Variants in GABBR2 observed in about 807,000 individuals in gnomAD.
GABBR2 encodes the protein gamma-aminobutyric acid type B receptor subunit 2.
In GABBR2, 23 loss-of-function variants were observed where a neutral mutation model predicts 105.6. The ratio of observed to expected loss-of-function variants is 0.22; its 90% CI spans 0.16 to 0.31. The LOEUF (loss-of-function observed/expected upper bound fraction) is 0.31. Among genes scored for constraint, GABBR2 ranks in the 10% least tolerant of loss-of-function variants. The pLI, the probability that GABBR2 is intolerant of heterozygous loss-of-function variation, is 1.00. For synonymous variants in GABBR2, 478 were observed against 499.7 expected (o/e 0.96, Z 0.58); for missense variants, 734 against 1,245.5 (o/e 0.59, Z 6.18).
At chr9:98,631,404 C>T (rs554742202) in intron 1 of GABBR2, among the ~76,000 whole-genome samples, 1 of 152,204 alleles carries the variant, frequency 6.6e-6, no homozygotes, top group Non-Finnish European at 1.5e-5. Context: ...CTAACTGATG[C>T]ATTCAACTAA....
chr9:98,290,914 A>G (rs893006286), intron 18 of GABBR2, among the ~76,000 whole-genome samples, 165 bp from the exon 19 acceptor site: 1 of 152,160 alleles, frequency 6.6e-6, no homozygotes, highest in African/African-American at 2.4e-5. Context: ...TCCAGCAGGT[A>G]TTTAATGAGG....
At chr9:98,427,335 C>T (rs1013927675) in intron 7 of GABBR2, among the ~76,000 whole-genome samples, 160 of 152,322 alleles carry the variant, frequency 1.1e-3, no homozygotes, top group African/African-American at 3.7e-3. Context: ...TCTAAGCCCT[C>T]TGGTCAACTT....
intron 1 of GABBR2, chr9:98,607,307 G>A (rs966207233): frequency 4.0e-5 from 33 of 829,436 alleles, no homozygotes; most frequent in East Asian, 3.4e-4. Context: ...ACGGTGTAGC[G>A]TTGTTTATAC....
At chr9:98,581,307 A>C (rs971033967) in intron 1 of GABBR2, 1 of 152,344 alleles carries the variant, frequency 6.6e-6, no homozygotes, top group Non-Finnish European at 1.5e-5. Context: ...AGCTTGCTTC[A>C]ACAGTGAGTG....
At chr9:98,689,062 C>T (rs550750366) in intron 1 of GABBR2, among the ~76,000 whole-genome samples, 1 of 152,324 alleles carries the variant, frequency 6.6e-6, no homozygotes, top group South Asian at 2.1e-4. Context: ...AGCCCTATGC[C>T]ATCCTATTGT....
intron 6 of GABBR2, among the ~76,000 whole-genome samples, chr9:98,472,517 A>T (rs1034384726): frequency 1.3e-5 from 2 of 151,674 alleles, no homozygotes; most frequent in East Asian, 4.0e-4. Flanking sequence ...AATCCTCCTG[A>T]TAACCCCCAG....
chr9:98,668,042 C>A (rs1355373853), intron 1 of GABBR2, among the ~76,000 whole-genome samples: 1 of 152,236 alleles, frequency 6.6e-6, no homozygotes, highest in Non-Finnish European at 1.5e-5. Flanking sequence ...TTGGGACCGC[C>A]CTGAAGGGCC....
In GABBR2 at chr9:98,388,116, G is replaced by A. The variant is rs1016747079; in HGVS notation, c.1529+738C>T. 5.3e-5 allele frequency among the ~76,000 whole-genome samples: 8 copies of A among 152,188 alleles called. No individual in the cohort carries two copies. The highest frequency in any genetic ancestry group is 1.9e-4 in the African/African-American group (8 of 41,448). ...GACACCAAAGAAGCAAAATGCACTTGGTAAAAACCACCGCCTGGAGTGGCG... is the reference window on the plus strand; with the variant it reads ...GACACCAAAGAAGCAAAATGCACTTAGTAAAAACCACCGCCTGGAGTGGCG... On this transcript the variant is annotated intron_variant, in intron 10 of 18. Transcript: ENST00000259455. The surrounding 1 kb of genome is among the most constrained non-coding windows in gnomAD (Gnocchi z 4.4).
chr9:98,674,227 G>C (rs144534800), intron 1 of GABBR2, among the ~76,000 whole-genome samples: 176 of 152,252 alleles, frequency 1.2e-3, no homozygotes, highest in African/African-American at 4.0e-3. Flanking sequence ...GCTTCCACAG[G>C]ATTCCCATGT....
At chr9:98,647,486 C>T (rs1241771308) in intron 1 of GABBR2, among the ~76,000 whole-genome samples, 1 of 152,214 alleles carries the variant, frequency 6.6e-6, no homozygotes, top group African/African-American at 2.4e-5. Context: ...CACACTAGCT[C>T]TGGGATTCTG....
intron 13 of GABBR2, among the ~76,000 whole-genome samples, chr9:98,337,828 C>G (rs1337608640): frequency 6.6e-6 from 1 of 152,132 alleles, no homozygotes. Context: ...TGAGACCAGG[C>G]TGGCCAAGAG....
In GABBR2 at chr9:98,578,055, C is replaced by T. The variant is rs766579887; in HGVS notation, c.339G>A (p.Gly113=). The T allele has an allele frequency of 1.9e-6, 3 of 1,613,744 alleles. No individual in the cohort carries two copies. The highest frequency in any genetic ancestry group is 3.3e-5 in the Admixed American group (2 of 59,938). ...LYDTECDNAK[G]LKAFYDAIKY... is the part of the protein sequence containing the mutation. ...TTATTGCATCGTAGAAGGCTTTCAA[C>T]CCTTTTGCGTTGTCGCACTGGGAAG... The change falls in exon 2 of 19, where the codon GGG becomes GGA. Residue 113 remains glycine, a synonymous_variant. Transcript: ENST00000259455.
At chr9:98,652,923 A>G (rs1333615469) in intron 1 of GABBR2, among the ~76,000 whole-genome samples, 1 of 152,348 alleles carries the variant, frequency 6.6e-6, no homozygotes, top group East Asian at 1.9e-4. Context: ...GCCAGGCCCC[A>G]TCTCCAGAGA....
intron 6 of GABBR2, among the ~76,000 whole-genome samples, chr9:98,464,059 G>A (rs925681379): frequency 5.3e-5 from 8 of 152,110 alleles, no homozygotes; most frequent in African/African-American, 1.7e-4. Flanking sequence ...CCGCCACCCC[G>A]TCTAGGAAGT....
At chr9:98,466,616 TA>T (rs34642677) in intron 6 of GABBR2, among the ~76,000 whole-genome samples, 10,328 of 152,278 alleles carry the variant, frequency 0.068, 462 homozygotes, top group Non-Finnish European at 0.091. Context: ...TTGCACTTGG[TA>T]AGATACTTTC....
At position 98,388,658 on chromosome 9, in the gene GABBR2, T is replaced by TGTGC. The variant is rs1554698921; in HGVS notation, c.1529+192_1529+195dup. 8.1e-5 allele frequency among the ~76,000 whole-genome samples: 11 copies of TGTGC among 135,692 alleles called. No homozygotes were observed. The highest frequency in any genetic ancestry group is 2.8e-4 in the African/African-American group (10 of 36,200). 89.0% of individuals were successfully genotyped at this position (135,692 alleles called of 152,430 possible). On this transcript the variant is annotated intron_variant, in intron 10 of 18. Transcript: ENST00000259455. The surrounding 1 kb of genome is among the most constrained non-coding windows in gnomAD (Gnocchi z 4.4). The stretch of plus-strand genomic sequence containing the variant: ...GTGTGTGTGTGTGTGTGTGTGTGTG[T>TGTGC]GTGCGTGCACGCACACACACGTACT...
At chr9:98,368,036 G>C (rs1831712490) in intron 12 of GABBR2, among the ~76,000 whole-genome samples, 1 of 152,130 alleles carries the variant, frequency 6.6e-6, no homozygotes, top group Non-Finnish European at 1.5e-5. Flanking sequence ...CTCTGTGCAT[G>C]AAGTTTATCG....
At chr9:98,326,511 A>T (rs911736925) in intron 13 of GABBR2, among the ~76,000 whole-genome samples, 5 of 152,166 alleles carry the variant, frequency 3.3e-5, no homozygotes, top group African/African-American at 1.2e-4. Flanking sequence ...AGATCATGTG[A>T]CTAAGTCTGG....
At chr9:98,300,237 C>T (rs974153142) in intron 16 of GABBR2, among the ~76,000 whole-genome samples, 7 of 152,002 alleles carry the variant, frequency 4.6e-5, no homozygotes, top group African/African-American at 1.7e-4. Context: ...GAGCTCTGAG[C>T]CTCACACTAT....
Sources: allele counts gnomAD v4.1 joint callset (sites outside exome capture counted in the v4.1 genomes callset), GRCh38; gene constraint gnomAD v4.1.1; non-coding constraint Gnocchi (gnomAD v3.1); transcripts MANE v1.5; gene names NCBI Gene and HGNC (gene_info 2026-07-23, HGNC 2026-07-21).